Variants in TG observed in about 807,000 individuals in gnomAD.
TG encodes thyroglobulin.
In TG, 270 loss-of-function variants were observed where a neutral mutation model predicts 324.7. That is an observed-to-expected ratio of 0.83 (90% CI 0.75 to 0.92). The LOEUF (loss-of-function observed/expected upper bound fraction) is 0.92, where lower values mean the gene tolerates loss of function less well. Ranked by LOEUF, TG falls within the 40% of genes least tolerant of loss-of-function variation. TG has a pLI of 0.00. For synonymous variants in TG, 1,401 were observed against 1,327.0 expected (o/e 1.06, Z -1.21); for missense variants, 3,591 against 3,456.4 (o/e 1.04, Z -0.98).
chr8:133,097,417 A>T (rs1456859482), intron 43 of TG, among the ~76,000 whole-genome samples: 1 of 152,230 alleles, frequency 6.6e-6, no homozygotes, highest in African/African-American at 2.4e-5. Flanking sequence ...AGCAACTCAA[A>T]TGTCCATTAA....
chr8:132,918,367 G>T (rs1477463460), intron 20 of TG, among the ~76,000 whole-genome samples: 1 of 152,072 alleles, frequency 6.6e-6, no homozygotes. Flanking sequence ...ACAGTTCTGG[G>T]GTTGAAATGC....
intron 29 of TG, among the ~76,000 whole-genome samples, 161 bp downstream of exon 29, chr8:132,963,235 A>G (rs1006078650): frequency 3.9e-5 from 6 of 152,196 alleles, no homozygotes; most frequent in Non-Finnish European, 7.4e-5. Flanking sequence ...GCTCATAAAT[A>G]TGGGAAGCTC....
chr8:133,125,565 C>G (rs1311248326), intron 45 of TG, among the ~76,000 whole-genome samples: 1 of 152,174 alleles, frequency 6.6e-6, no homozygotes. Context: ...ATCAGCAGGT[C>G]TTTGGAAGAA....
chr8:132,867,538 T>C (rs1839059682), intron 1 of TG, among the ~76,000 whole-genome samples: 1 of 152,024 alleles, frequency 6.6e-6, no homozygotes, highest in South Asian at 2.1e-4. Context: ...TTTTTTTTTT[T>C]TTTCATTTAA....
At chr8:133,033,251 A>T (rs1156918024) in intron 41 of TG, among the ~76,000 whole-genome samples, 1 of 152,210 alleles carries the variant, frequency 6.6e-6, no homozygotes, top group Non-Finnish European at 1.5e-5. Context: ...TGCACAACAT[A>T]GGAACTCAAG....
rs1454918638 is a variant in TG, at chr8:133,095,074, A to T, written c.7270A>T (p.Ile2424Phe). 1 of 1,614,130 alleles carries T rather than the reference A, an allele frequency of 6.2e-7. No homozygotes were observed. ...GGSALSPAAVISHERAQQQAI... is the reference protein window; with the variant it reads ...GGSALSPAAVFSHERAQQQAI... ...CTCCGCACTCTCCCCGGCCGCCGTC[A>T]TCAGCCATGAGAGGGCTCAGCAGCA... is the stretch of plus-strand genomic sequence containing the variant. Residue 2424 changes from isoleucine to phenylalanine, a missense_variant, in exon 42 of 48, where the codon ATC (isoleucine) becomes TTC (phenylalanine). Coordinates refer to ENST00000220616, the MANE Select transcript of TG (RefSeq NM_003235.5).
chr8:132,955,150 C>T (rs12677246), intron 27 of TG, among the ~76,000 whole-genome samples: 1 of 152,058 alleles, frequency 6.6e-6, no homozygotes, highest in Non-Finnish European at 1.5e-5. Context: ...GGATTGTCAG[C>T]TGATTCTTCA....
rs142136857 is a variant in TG at position 132,890,584 on chromosome 8, T to G, written c.2761+2016T>G. On this transcript the variant is annotated intron_variant, in intron 10 of 47. Coordinates refer to ENST00000220616, the MANE Select transcript of TG (RefSeq NM_003235.5). Reference sequence around the variant, plus strand: ...CCTGGAGGACAGAACAGTAGCTGTCTTGTACCATGGTTCTACCATCTACTG... The same window carrying G: ...CCTGGAGGACAGAACAGTAGCTGTCGTGTACCATGGTTCTACCATCTACTG... 5.3e-4 allele frequency among the ~76,000 whole-genome samples: 81 copies of G among 152,344 alleles called. 2 individuals are homozygous for G. The East Asian group carries it at 9.6e-3, about 18-fold the overall frequency.
intron 26 of TG, among the ~76,000 whole-genome samples, chr8:132,947,018 G>A (rs907675899): frequency 2.0e-5 from 3 of 152,076 alleles, no homozygotes; most frequent in Admixed American, 6.5e-5. Flanking sequence ...AGCCTTCCTC[G>A]AACTCTCCTG....
At chr8:132,921,171 C>T (rs1024741989) in intron 21 of TG, among the ~76,000 whole-genome samples, 4 of 152,226 alleles carry the variant, frequency 2.6e-5, no homozygotes, top group African/African-American at 7.2e-5. Flanking sequence ...GCCTCACCTC[C>T]AAATACCATC....
chr8:132,917,445 A>G lies in TG; in HGVS notation c.4379-1931A>G, dbSNP rs559687119. On this transcript the variant is annotated intron_variant, in intron 20 of 47. Coordinates refer to ENST00000220616, the MANE Select transcript of TG (RefSeq NM_003235.5). ...TGAGGGTGCTAAAGTGAAGAAGAAC[A>G]TTCCAGAAAGATTGGTATAAATGCA... Among the ~76,000 whole-genome samples, 7 of 152,244 alleles carry G rather than the reference A, an allele frequency of 4.6e-5. No individual in the cohort carries two copies. The East Asian group carries it at 1.4e-3, about 29-fold the overall frequency.
At chr8:133,042,087 G>A (rs1394693583) in intron 41 of TG, among the ~76,000 whole-genome samples, 3 of 151,942 alleles carry the variant, frequency 2.0e-5, no homozygotes, top group Non-Finnish European at 4.4e-5. Flanking sequence ...ACACCCGGCT[G>A]TCAGTGTTTT....
rs376496042 is a variant in TG, at chr8:133,133,537, G to C, written c.8065G>C (p.Val2689Leu). Residue 2689 changes from valine to leucine, a missense_variant, in exon 47 of 48, where the codon GTA (valine) becomes CTA (leucine). Physicochemically the swap from Val to Leu is conservative, Grantham distance 32. Coordinates refer to ENST00000220616, the MANE Select transcript of TG (RefSeq NM_003235.5). Reference sequence around the variant, plus strand: ...ATTTGCAACCCCCTGGCCTGACTTTGTACCCCGTGCTGGTGGAGAGAACTA... The same window carrying C: ...ATTTGCAACCCCCTGGCCTGACTTTCTACCCCGTGCTGGTGGAGAGAACTA... Reference protein sequence around the residue: ...PTFATPWPDFVPRAGGENYKE... With the variant: ...PTFATPWPDFLPRAGGENYKE... The C allele has an allele frequency of 4.5e-5, 73 of 1,614,066 alleles. No individual in the cohort carries two copies. Among genetic ancestry groups the C allele is most frequent in the Non-Finnish European group, 5.9e-5 (70 of 1,180,048 alleles).
chr8:132,893,776 C>A lies in TG; in HGVS notation c.2848C>A (p.Arg950=), dbSNP rs769955755. 6.2e-7 allele frequency: 1 copy of A among 1,613,978 alleles called. No individual in the cohort carries two copies. The highest frequency in any genetic ancestry group is 8.5e-7 in the Non-Finnish European group (1 of 1,179,918). Residue 950 remains arginine, a synonymous_variant, in exon 11 of 48, where the codon CGG becomes AGG. Transcript: ENST00000220616. ...GATTGTTTCAGCTTCCAACAGTTCT[C>A]GGTTCCCTCTGGGGGAGAGTTTCCT... The part of the protein sequence containing the change: ...EEIVSASNSS[R]FPLGESFLVA...
intron 41 of TG, among the ~76,000 whole-genome samples, chr8:133,044,580 G>A (rs993389110): frequency 1.3e-5 from 2 of 152,150 alleles, no homozygotes; most frequent in Non-Finnish European, 2.9e-5. Context: ...CTTCATCGCA[G>A]AGGCGTTTCA....
chr8:133,060,362 T>G, intron 41 of TG: 3 of 1,538,704 alleles, frequency 1.9e-6, no homozygotes, highest in Non-Finnish European at 2.6e-6. Flanking sequence ...ATTGGTTACT[T>G]TTGCGCAGCT....
intron 43 of TG, among the ~76,000 whole-genome samples, chr8:133,112,991 G>T (rs1356422827): frequency 2.6e-5 from 4 of 152,164 alleles, no homozygotes; most frequent in African/African-American, 7.2e-5. Flanking sequence ...GTCCATGAAT[G>T]AAACTGAATT....
At chr8:133,132,058 G>A in intron 46 of TG, 112 bp downstream of exon 46, 1 of 1,517,946 alleles carries the variant, frequency 6.6e-7, no homozygotes, top group South Asian at 1.1e-5. Context: ...TTCCTCCGTA[G>A]ACACTATAAT....
intron 41 of TG, among the ~76,000 whole-genome samples, chr8:133,061,818 T>G (rs1468150270): frequency 6.6e-6 from 1 of 152,148 alleles, no homozygotes; most frequent in Non-Finnish European, 1.5e-5. Context: ...AGAAGTACAC[T>G]CTCAGAGCAA....
Sources: gnomAD v4.1 joint callset for allele counts (sites outside exome capture counted in the v4.1 genomes callset) on GRCh38, gnomAD v4.1.1 for gene constraint, MANE v1.5 for transcripts, NCBI Gene and HGNC (gene_info 2026-07-23, HGNC 2026-07-21) for gene names.